Variants in KAZN observed in about 807,000 individuals in gnomAD.
KAZN encodes kazrin.
Under a neutral mutation model 87.4 loss-of-function variants are expected in KAZN, and 40 were observed. The ratio of observed to expected loss-of-function variants is 0.46; its 90% confidence interval spans 0.36 to 0.60. KAZN has a LOEUF of 0.60. KAZN is among the 20% of genes least tolerant of loss of function. KAZN has a pLI of 0.00. For synonymous variants in KAZN, 466 were observed against 458.3 expected (o/e 1.02, Z -0.22); for missense variants, 898 against 1,073.9 (o/e 0.84, Z 2.29).
At chr1:13,906,524 G>C (rs980149045) in intron 1 of KAZN, among the ~76,000 whole-genome samples, 2 of 152,162 alleles carry the variant, frequency 1.3e-5, no homozygotes, top group African/African-American at 2.4e-5. Context: ...GGGCTGGACC[G>C]GCCCAGGTTT....
chr1:14,498,003 G>A (rs1347328473), intron 2 of KAZN, among the ~76,000 whole-genome samples: 3 of 152,074 alleles, frequency 2.0e-5, no homozygotes, highest in Admixed American at 6.5e-5. Flanking sequence ...ATTTCTATCC[G>A]GTTTCCCTTG....
intron 1 of KAZN, among the ~76,000 whole-genome samples, chr1:13,901,611 C>T (rs566900893): frequency 5.3e-5 from 8 of 152,244 alleles, no homozygotes; most frequent in Non-Finnish European, 7.3e-5. Flanking sequence ...TCTCCAGCTG[C>T]GTCCTGCCAG....
intron 1 of KAZN, among the ~76,000 whole-genome samples, chr1:14,819,770 C>T (rs921355713): frequency 7.1e-6 from 1 of 140,528 alleles, no homozygotes; most frequent in Admixed American, 7.6e-5. Context: ...TGCAGTGGTA[C>T]GGTATCGGCT....
At position 14,184,855 on chromosome 1, in the gene KAZN, G is replaced by A. The variant is rs537946600; in HGVS notation, c.249+4263G>A. ...CATTGGGAAGGATGCCTTGGGAACCGAGCAGTTCACACCTATTATAGAAGT... is the reference window on the plus strand; with the variant it reads ...CATTGGGAAGGATGCCTTGGGAACCAAGCAGTTCACACCTATTATAGAAGT... On this transcript the variant is annotated intron_variant, in intron 2 of 16. Coordinates refer to the KAZN transcript ENST00000636203. This position sits in a 1 kb window ranked among gnomAD's most constrained non-coding sequence, Gnocchi z 4.2. 1.7e-4 allele frequency among the ~76,000 whole-genome samples: 26 copies of A among 152,256 alleles called. No homozygotes were observed. The highest frequency in any genetic ancestry group is 4.2e-4 in the South Asian group (2 of 4,812).
chr1:13,896,462 T>A (rs1014060664), intron 1 of KAZN, among the ~76,000 whole-genome samples: 4 of 152,160 alleles, frequency 2.6e-5, no homozygotes, highest in Non-Finnish European at 4.4e-5. Flanking sequence ...GTTAATTTTT[T>A]AATTTTTTTT....
At chr1:14,427,176 G>T (rs948333110) in intron 2 of KAZN, among the ~76,000 whole-genome samples, 1 of 152,162 alleles carries the variant, frequency 6.6e-6, no homozygotes, top group Non-Finnish European at 1.5e-5. Flanking sequence ...GACATTCAGG[G>T]TAGGACCTCA....
chr1:14,099,790 G>A (rs551832528), intron 1 of KAZN, among the ~76,000 whole-genome samples: 1 of 152,138 alleles, frequency 6.6e-6, no homozygotes, highest in Admixed American at 6.5e-5. Context: ...TACCTTTAAA[G>A]GTGGATTGCC....
At chr1:13,900,899 A>G (rs977628819) in intron 1 of KAZN, among the ~76,000 whole-genome samples, 2 of 152,206 alleles carry the variant, frequency 1.3e-5, no homozygotes, top group Non-Finnish European at 2.9e-5. Context: ...ATTTGCTGTA[A>G]CTATTACTAT....
chr1:14,936,567 C>T (rs563892679), intron 1 of KAZN, among the ~76,000 whole-genome samples: 1 of 152,238 alleles, frequency 6.6e-6, no homozygotes, highest in African/African-American at 2.4e-5. Context: ...ATCCCTCCAC[C>T]CTCCCAGCAG....
intron 1 of KAZN, among the ~76,000 whole-genome samples, chr1:14,002,906 G>A (rs544385597): frequency 1.1e-4 from 16 of 152,222 alleles, no homozygotes; most frequent in South Asian, 6.2e-4. Context: ...ACACGCACAC[G>A]TATGTCTATT....
At chr1:14,274,686 T>C (rs1652209653) in intron 2 of KAZN, among the ~76,000 whole-genome samples, 1 of 152,196 alleles carries the variant, frequency 6.6e-6, no homozygotes, top group Admixed American at 6.5e-5. Flanking sequence ...GTTTGACTTC[T>C]AGCTCTGCCA....
intron 1 of KAZN, among the ~76,000 whole-genome samples, chr1:14,883,746 AG>A (rs1356562524): frequency 6.6e-6 from 1 of 152,218 alleles, no homozygotes; most frequent in Non-Finnish European, 1.5e-5. Flanking sequence ...AGAATCAGAC[AG>A]GGGGCCTACC....
chr1:14,015,834 A>C (rs1388240536), intron 1 of KAZN, among the ~76,000 whole-genome samples: 1 of 151,710 alleles, frequency 6.6e-6, no homozygotes, highest in African/African-American at 2.4e-5. Flanking sequence ...GGGTTCATAG[A>C]GTAGAAATAC....
chr1:14,311,648 G>A (rs911923049), intron 2 of KAZN, among the ~76,000 whole-genome samples: 2 of 152,142 alleles, frequency 1.3e-5, no homozygotes, highest in African/African-American at 4.8e-5. Flanking sequence ...AGGCCTTCCT[G>A]ATTCTTTCTT....
At chr1:14,154,547 G>A (rs940309599) in intron 1 of KAZN, among the ~76,000 whole-genome samples, 1 of 152,184 alleles carries the variant, frequency 6.6e-6, no homozygotes, top group African/African-American at 2.4e-5. Flanking sequence ...TAACAGTGAT[G>A]AAAGTGGGCA....
At chr1:13,922,200 G>C (rs1352838279) in intron 1 of KAZN, among the ~76,000 whole-genome samples, 1 of 152,018 alleles carries the variant, frequency 6.6e-6, no homozygotes, top group Non-Finnish European at 1.5e-5. Context: ...ACCAAGACTT[G>C]GCTCTGTCTA....
At chr1:15,023,685 G>A (rs1255115891) in intron 2 of KAZN, among the ~76,000 whole-genome samples, 1 of 151,906 alleles carries the variant, frequency 6.6e-6, no homozygotes, top group Admixed American at 6.6e-5. Context: ...GCCTTTTAAG[G>A]GGACAGCTCC....
At chr1:14,172,797 T>G (rs1023310290) in intron 1 of KAZN, among the ~76,000 whole-genome samples, 3 of 152,196 alleles carry the variant, frequency 2.0e-5, no homozygotes, top group Non-Finnish European at 4.4e-5. Context: ...TATTGCACCT[T>G]CTGGGATTGG....
chr1:14,591,180 C>G (rs546386224), intron 2 of KAZN, among the ~76,000 whole-genome samples: 1 of 152,030 alleles, frequency 6.6e-6, no homozygotes, highest in Non-Finnish European at 1.5e-5. Context: ...TGCCCCCCCC[C>G]CATGGACACA....
Sources: gnomAD v4.1 joint callset for allele counts (sites outside exome capture counted in the v4.1 genomes callset) on GRCh38, gnomAD v4.1.1 for gene constraint, Gnocchi (gnomAD v3.1) non-coding constraint, MANE v1.5 for transcripts, NCBI Gene and HGNC (gene_info 2026-07-23, HGNC 2026-07-21) for gene names.